Variants in RABGEF1 observed in about 807,000 individuals in gnomAD.
RABGEF1 encodes rab5 GDP/GTP exchange factor.
Under a neutral mutation model 57.3 loss-of-function variants are expected in RABGEF1, and 26 were observed. That is an observed-to-expected ratio of 0.45 (90% CI 0.33 to 0.63). RABGEF1 has a LOEUF of 0.63. Ranked by LOEUF, RABGEF1 falls within the 20% of genes least tolerant of loss-of-function variation. RABGEF1 has a pLI of 0.02. For missense variants in RABGEF1, 464 were observed against 607.6 expected, an observed-to-expected ratio of 0.76 and a Z score of 2.48; for synonymous variants, 185 against 210.7, an observed-to-expected ratio of 0.88 and a Z score of 1.06.
chr7:66,704,606 C>T (rs1793736339), intron 1 of RABGEF1, among the ~76,000 whole-genome samples: 1 of 151,704 alleles, frequency 6.6e-6, no homozygotes, highest in Non-Finnish European at 1.5e-5. Context: ...GTCAGGAGAT[C>T]GAGACCATCC....
Position 66,783,662 on chromosome 7 carries a change from A to AT in RABGEF1, c.347-9dup. On this transcript the variant is annotated splice_polypyrimidine_tract_variant and intron_variant, in intron 3 of 8. Coordinates refer to ENST00000284957, the MANE Select transcript of RABGEF1 (RefSeq NM_014504.3). Reference sequence around the variant, plus strand: ...TATGTCATGAAACTTACTATGTTTAATTTTCCCAGCAGAAATTCAGGAAGC... The same window carrying AT: ...TATGTCATGAAACTTACTATGTTTAATTTTTCCCAGCAGAAATTCAGGAAGC... The AT allele has an allele frequency of 6.3e-7, 1 of 1,592,004 alleles. No homozygotes were observed. Among genetic ancestry groups the AT allele is most frequent in the Non-Finnish European group, 8.6e-7 (1 of 1,168,202 alleles).
chr7:66,689,802 CAAA>C (rs200381594), intron 1 of RABGEF1, among the ~76,000 whole-genome samples: 2 of 107,364 alleles, frequency 1.9e-5, no homozygotes, highest in Non-Finnish European at 2.0e-5. Context: ...GACTTCGTCT[CAAA>C]AAAAAAAAAA....
intron 4 of RABGEF1, among the ~76,000 whole-genome samples, chr7:66,785,403 T>G (rs1223205469): frequency 6.6e-6 from 1 of 152,222 alleles, no homozygotes; most frequent in East Asian, 1.9e-4. Flanking sequence ...AAAGAGATGT[T>G]TTTTAAACTG....
At chr7:66,654,862 T>C in the RABGEF1 span, among the ~76,000 whole-genome samples, 1 of 152,244 alleles carries the variant, frequency 6.6e-6, no homozygotes, top group African/African-American at 2.4e-5. Flanking sequence ...GCGCGGCTTC[T>C]CCGTCTAACG....
chr7:66,710,872 A>T (rs1298397954), intron 1 of RABGEF1, among the ~76,000 whole-genome samples: 1 of 152,012 alleles, frequency 6.6e-6, no homozygotes, highest in Non-Finnish European at 1.5e-5. Context: ...AGGCCAAGAC[A>T]GGAGGATCAC....
intron 1 of RABGEF1, among the ~76,000 whole-genome samples, chr7:66,747,000 G>T (rs1434099009): frequency 6.6e-6 from 1 of 151,864 alleles, no homozygotes; most frequent in Admixed American, 6.6e-5. Context: ...CACCATGTTG[G>T]CCAGGCTGGT....
the RABGEF1 span, chr7:66,666,341 G>A: frequency 1.3e-5 from 2 of 152,296 alleles, no homozygotes. Context: ...TCCAGGGCCT[G>A]GGGCTCCACC....
chr7:66,676,631 A>G, the RABGEF1 span, among the ~76,000 whole-genome samples: 2 of 152,190 alleles, frequency 1.3e-5, no homozygotes, highest in African/African-American at 4.8e-5. Flanking sequence ...TCTGTCGCCC[A>G]GGCTGGAGTG....
chr7:66,795,601 G>T lies in RABGEF1; in HGVS notation c.595+9G>T, dbSNP rs372795506. ...GCAAACTCGTGGGAAAGGTAACACTGTTAGCCATTGAGAGATTGCGGGTAT... is the reference window on the plus strand; with the variant it reads ...GCAAACTCGTGGGAAAGGTAACACTTTTAGCCATTGAGAGATTGCGGGTAT... On this transcript the variant is annotated intron_variant, in intron 5 of 8. Transcript: ENST00000284957. 6.3e-7 allele frequency: 1 copy of T among 1,589,296 alleles called. No homozygotes were observed. The highest frequency in any genetic ancestry group is 1.7e-5 in the Admixed American group (1 of 59,994).
intron 4 of RABGEF1, among the ~76,000 whole-genome samples, chr7:66,793,947 A>G (rs1813370205): frequency 6.6e-6 from 1 of 152,170 alleles, no homozygotes; most frequent in Admixed American, 6.5e-5. Context: ...GGCCTTATTC[A>G]TGTTCTTCTA....
At chr7:66,690,887 C>T (rs1410132937) in intron 1 of RABGEF1, among the ~76,000 whole-genome samples, 2 of 151,102 alleles carry the variant, frequency 1.3e-5, no homozygotes, top group Non-Finnish European at 2.9e-5. Context: ...GGTTGGAGAC[C>T]AGCCTGGCCA....
At chr7:66,743,971 A>G (rs1350787568) in intron 1 of RABGEF1, among the ~76,000 whole-genome samples, 2 of 151,854 alleles carry the variant, frequency 1.3e-5, no homozygotes, top group African/African-American at 4.8e-5. Flanking sequence ...ACAGGCTGCT[A>G]TGTAGCTGAT....
rs1554322347 is a variant in RABGEF1, at chr7:66,810,511, G to GTGTAA, written c.*1228_*1232dup. The stretch of plus-strand genomic sequence containing the variant: ...AGTTATCCTCCTGGTGGTTAATATG[G>GTGTAA]TGTAACCAAAGAATCTTGCACTCAA... On this transcript the variant is annotated 3_prime_UTR_variant, in exon 9 of 9. Coordinates refer to ENST00000284957, the MANE Select transcript of RABGEF1 (RefSeq NM_014504.3). 1 of 152,156 alleles carries GTGTAA rather than the reference G, an allele frequency of 6.6e-6. No individual in the cohort carries two copies. Among genetic ancestry groups the GTGTAA allele is most frequent in the Non-Finnish European group, 1.5e-5 (1 of 68,024 alleles). 9.4% of individuals were successfully genotyped at this position (152,156 alleles called of 1,614,324 possible).
chr7:66,719,769 GA>G (rs1795795675), intron 2 of RABGEF1, among the ~76,000 whole-genome samples: 1 of 152,154 alleles, frequency 6.6e-6, no homozygotes, highest in Non-Finnish European at 1.5e-5. Flanking sequence ...AAGTTTTATT[GA>G]AACATAGCCA....
At position 66,798,576 on chromosome 7, in the gene RABGEF1, G is replaced by A. The variant is rs144452728; in HGVS notation, c.729-747G>A. Among the ~76,000 whole-genome samples, 498 of 152,258 alleles carry A rather than the reference G, an allele frequency of 3.3e-3. 2 individuals carry two copies. The highest frequency in any genetic ancestry group is 6.1e-3 in the Non-Finnish European group (412 of 68,014). ...GGGCAGGCCTGCTGCAGGGTAGTTG[G>A]AGTGCAGTTAGGGTGGGACCAGGAA... On this transcript the variant is annotated intron_variant, in intron 6 of 8. Coordinates refer to ENST00000284957, the MANE Select transcript of RABGEF1 (RefSeq NM_014504.3).
Position 66,804,463 on chromosome 7 carries a change from G to A in RABGEF1, c.821-677G>A, listed in dbSNP as rs575485366. On this transcript the variant is annotated intron_variant, in intron 7 of 8. Transcript: ENST00000284957. ...TAGAAGTGTGGGCTTGGCCAGGCAC[G>A]GTGGCTCACGCCTGTAATCCCAGCA... 2.6e-5 allele frequency among the ~76,000 whole-genome samples: 4 copies of A among 152,114 alleles called. No homozygotes were observed. In the South Asian group the frequency reaches 8.3e-4, roughly 32 times the overall value.
intron 3 of RABGEF1, among the ~76,000 whole-genome samples, chr7:66,778,593 A>G (rs1445019408): frequency 6.6e-6 from 1 of 152,178 alleles, no homozygotes; most frequent in East Asian, 1.9e-4. Context: ...TCTCTAAAGC[A>G]TATCTTTTCA....
chr7:66,681,702 G>A (rs962451975), upstream of RABGEF1, among the ~76,000 whole-genome samples: 4 of 152,178 alleles, frequency 2.6e-5, no homozygotes, highest in African/African-American at 9.7e-5. Flanking sequence ...ATTGGCTTAA[G>A]ACCCTTTAAC....
At chr7:66,706,910 T>C (rs1794185239) in intron 1 of RABGEF1, among the ~76,000 whole-genome samples, 1 of 150,556 alleles carries the variant, frequency 6.6e-6, no homozygotes, top group Admixed American at 6.7e-5. Flanking sequence ...GCCTCCCGAG[T>C]AGCTGGGACT....
Sources: allele counts gnomAD v4.1 joint callset (sites outside exome capture counted in the v4.1 genomes callset), GRCh38; gene constraint gnomAD v4.1.1; transcripts MANE v1.5; gene names NCBI Gene and HGNC (gene_info 2026-07-23, HGNC 2026-07-21).